The following PRELID2 variants were observed in gnomAD, a reference collection of about 807,000 sequenced individuals.
The protein encoded by PRELID2 is PRELI domain containing 2.
PRELID2 carries 25 observed loss-of-function variants against 28.4 expected under a neutral mutation model. That is an observed-to-expected ratio of 0.88 (90% CI 0.64 to 1.23). PRELID2 has a LOEUF of 1.23. Among genes scored for constraint, PRELID2 ranks in the 50% most tolerant of loss-of-function variants. The pLI is 0.00. For missense variants in PRELID2, 201 were observed against 214.4 expected (o/e 0.94, Z 0.39); for synonymous variants, 76 against 71.6 (o/e 1.06, Z -0.31).
At chr5:145,283,904 T>C in the PRELID2 span, among the ~76,000 whole-genome samples, 1 of 152,188 alleles carries the variant, frequency 6.6e-6, no homozygotes, top group African/African-American at 2.4e-5. Flanking sequence ...AATATCTTTA[T>C]ATTTTGAATT....
chr5:145,556,731 T>G (rs1752882750), intron 1 of PRELID2, among the ~76,000 whole-genome samples: 1 of 152,174 alleles, frequency 6.6e-6, no homozygotes, highest in Admixed American at 6.5e-5. Flanking sequence ...TACTCTTATC[T>G]TGAACCTTGT....
the PRELID2 span, among the ~76,000 whole-genome samples, chr5:145,443,198 CA>C: frequency 6.6e-6 from 1 of 152,068 alleles, no homozygotes; most frequent in Admixed American, 6.6e-5. Flanking sequence ...TGTCTTTACA[CA>C]ATCCTGCATG....
chr5:145,389,390 C>T, the PRELID2 span, among the ~76,000 whole-genome samples: 1 of 152,120 alleles, frequency 6.6e-6, no homozygotes, highest in East Asian at 1.9e-4. Flanking sequence ...GACACAGAGG[C>T]AGTAAACACC....
At chr5:145,302,522 C>G in the PRELID2 span, among the ~76,000 whole-genome samples, 1 of 151,228 alleles carries the variant, frequency 6.6e-6, no homozygotes, top group South Asian at 2.1e-4. Context: ...TATTTTTTAC[C>G]TTTTTGAATC....
At chr5:145,817,793 T>C in intron 4 of PRELID2, 101 bp downstream of exon 4, 1 of 1,000,344 alleles carries the variant, frequency 1.0e-6, no homozygotes, top group Non-Finnish European at 1.4e-6. Context: ...GTATGAGTTA[T>C]AAACAGTGGT....
At chr5:145,491,696 T>C (rs986370753) in intron 1 of PRELID2, among the ~76,000 whole-genome samples, 2 of 152,118 alleles carry the variant, frequency 1.3e-5, no homozygotes, top group Non-Finnish European at 2.9e-5. Flanking sequence ...CAAATATCTC[T>C]GTAACCCCCC....
chr5:145,298,060 A>G, the PRELID2 span, among the ~76,000 whole-genome samples: 1 of 152,142 alleles, frequency 6.6e-6, no homozygotes, highest in African/African-American at 2.4e-5. Flanking sequence ...TAATTTATAG[A>G]TTCAATGCCA....
At chr5:145,661,541 G>A (rs1166428825) in intron 1 of PRELID2, among the ~76,000 whole-genome samples, 1 of 151,888 alleles carries the variant, frequency 6.6e-6, no homozygotes, top group Non-Finnish European at 1.5e-5. Flanking sequence ...TAGAAGAATG[G>A]ACCCTGTCAC....
At chr5:145,407,007 TG>T in the PRELID2 span, among the ~76,000 whole-genome samples, 1 of 151,986 alleles carries the variant, frequency 6.6e-6, no homozygotes, top group African/African-American at 2.4e-5. Flanking sequence ...AGAATTAGGG[TG>T]GGGTCACAGG....
In PRELID2 at chr5:145,817,894, C is replaced by T. The variant is rs768448986; in HGVS notation, c.368G>A (p.Trp123Ter). 3 of 1,543,170 alleles carry T rather than the reference C, an allele frequency of 1.9e-6. No individual in the cohort carries two copies. In the Admixed American group the frequency reaches 6.1e-5, roughly 32 times the overall value. The change falls in exon 4 of 7, where the codon TGG (tryptophan) becomes TAG (stop). Residue 123 changes from tryptophan (W) to a stop codon, truncating the protein, a stop_gained and splice_region_variant. Transcript: ENST00000683046. LOFTEE classifies it high-confidence loss of function. ...VFRESMENPN[W>*]TEFIQRGRIS... ...ACACACATATACACACGAGTCTTAC[C>T]AATTTGGGTTTTCCATACTTTCCCG...
chr5:145,728,735 C>G, intron 1 of PRELID2: 1 of 1,531,428 alleles, frequency 6.5e-7, no homozygotes, highest in Non-Finnish European at 9.0e-7. Context: ...TCTTAAAACT[C>G]TCTTCAACTG....
At chr5:145,784,666 C>T (rs542053294) in intron 5 of PRELID2, among the ~76,000 whole-genome samples, 67 of 152,024 alleles carry the variant, frequency 4.4e-4, no homozygotes, top group Non-Finnish European at 4.4e-5. Context: ...AGCTATTATG[C>T]CGATGGAATA....
chr5:145,579,614 GGAGT>G (rs1753090861), intron 1 of PRELID2, among the ~76,000 whole-genome samples: 1 of 152,046 alleles, frequency 6.6e-6, no homozygotes, highest in South Asian at 2.1e-4. Flanking sequence ...GACACTGGCT[GGAGT>G]GAATCATTGA....
intron 1 of PRELID2, among the ~76,000 whole-genome samples, chr5:145,521,711 C>A (rs1360408118): frequency 1.3e-5 from 2 of 152,124 alleles, no homozygotes; most frequent in Non-Finnish European, 2.9e-5. Flanking sequence ...GGAGCAGACC[C>A]ACGCACTGTG....
chr5:145,421,033 A>G, the PRELID2 span, among the ~76,000 whole-genome samples: 1 of 149,240 alleles, frequency 6.7e-6, no homozygotes, highest in East Asian at 2.0e-4. Flanking sequence ...GCTGGATTAC[A>G]TTTATTGATT....
At chr5:145,592,218 C>A (rs749506271) in intron 1 of PRELID2, among the ~76,000 whole-genome samples, 1 of 152,068 alleles carries the variant, frequency 6.6e-6, no homozygotes, top group Non-Finnish European at 1.5e-5. Flanking sequence ...AGTTTGAGAC[C>A]AGCCTGGCCA....
At chr5:145,306,419 A>C in the PRELID2 span, among the ~76,000 whole-genome samples, 2 of 152,146 alleles carry the variant, frequency 1.3e-5, no homozygotes, top group African/African-American at 4.8e-5. Flanking sequence ...AATTTGATTT[A>C]ATAATTCCAT....
intron 1 of PRELID2, among the ~76,000 whole-genome samples, chr5:145,709,100 T>C (rs1302878729): frequency 6.6e-6 from 1 of 152,164 alleles, no homozygotes; most frequent in African/African-American, 2.4e-5. Context: ...TGAGCAAAAC[T>C]AGCATAGGGC....
chr5:145,775,812 T>C (rs1758372153), intron 5 of PRELID2, among the ~76,000 whole-genome samples: 1 of 152,172 alleles, frequency 6.6e-6, no homozygotes, highest in Non-Finnish European at 1.5e-5. Context: ...TCACTCCTCA[T>C]CCTTTGCACT....
Sources: allele counts gnomAD v4.1 joint callset (sites outside exome capture counted in the v4.1 genomes callset), GRCh38; gene constraint gnomAD v4.1.1; transcripts MANE v1.5; gene names NCBI Gene and HGNC (gene_info 2026-07-23, HGNC 2026-07-21).